LRP1B: variants seen among roughly 807,000 people sequenced by gnomAD.
The protein encoded by LRP1B is LDL receptor related protein 1B.
LRP1B carries 217 observed loss-of-function variants against 556.6 expected under a neutral mutation model. The ratio of observed to expected loss-of-function variants is 0.39; its 90% CI spans 0.35 to 0.44. The LOEUF (loss-of-function observed/expected upper bound fraction) is 0.44. Among genes scored for constraint, LRP1B ranks in the 20% least tolerant of loss-of-function variants. The pLI, the probability that LRP1B is intolerant of heterozygous loss-of-function variation, is 1.00. For missense variants in LRP1B, 5,053 were observed against 5,620.8 expected (o/e 0.90, Z 3.23); for synonymous variants, 2,047 against 1,865.8 (o/e 1.10, Z -2.50).
chr2:140,434,226 T>C (rs1300396975), intron 66 of LRP1B, among the ~76,000 whole-genome samples: 1 of 152,124 alleles, frequency 6.6e-6, no homozygotes, highest in Non-Finnish European at 1.5e-5. Flanking sequence ...AGTGCCACCA[T>C]GCCCAGCTAA....
intron 2 of LRP1B, among the ~76,000 whole-genome samples, chr2:141,781,854 G>A (rs1340781581): frequency 9.9e-6 from 1 of 101,282 alleles, no homozygotes; most frequent in Non-Finnish European, 2.4e-5. Context: ...GAACAAAGAT[G>A]ATGATGATGA....
intron 2 of LRP1B, among the ~76,000 whole-genome samples, chr2:141,576,556 A>G (rs1686752728): frequency 6.6e-6 from 1 of 151,954 alleles, no homozygotes; most frequent in African/African-American, 2.4e-5. Context: ...CTGTACATGT[A>G]TCCCTCTTTT....
At chr2:140,859,244 A>G (rs1205631485) in intron 27 of LRP1B, among the ~76,000 whole-genome samples, 1 of 152,180 alleles carries the variant, frequency 6.6e-6, no homozygotes, top group Non-Finnish European at 1.5e-5. Context: ...AAGAAAAAAA[A>G]AACCTTTTAT....
intron 11 of LRP1B, among the ~76,000 whole-genome samples, chr2:141,034,092 C>T (rs992628264): frequency 5.3e-5 from 8 of 152,006 alleles, no homozygotes; most frequent in Admixed American, 4.6e-4. Flanking sequence ...AAAAAAATCT[C>T]TTTTAGTTTT....
chr2:141,943,819 C>A (rs1444972590), intron 1 of LRP1B, among the ~76,000 whole-genome samples: 1 of 152,034 alleles, frequency 6.6e-6, no homozygotes, highest in Non-Finnish European at 1.5e-5. Context: ...GTAGGAAAAT[C>A]CGGGTTCTTG....
chr2:141,705,523 G>A (rs188897372), intron 2 of LRP1B, among the ~76,000 whole-genome samples: 71 of 152,082 alleles, frequency 4.7e-4, no homozygotes, highest in African/African-American at 1.6e-3. Context: ...ACTCAAACCT[G>A]TTTACTAACA....
At chr2:141,218,980 C>G (rs759559524) in intron 6 of LRP1B, among the ~76,000 whole-genome samples, 1 of 152,198 alleles carries the variant, frequency 6.6e-6, no homozygotes, top group African/African-American at 2.4e-5. Context: ...AGGTGCCACA[C>G]AGGATAAGGG....
chr2:140,354,443 A>G (rs1186620269), intron 75 of LRP1B, among the ~76,000 whole-genome samples: 4 of 152,154 alleles, frequency 2.6e-5, no homozygotes, highest in African/African-American at 9.6e-5. Context: ...AAAGAGATGC[A>G]GAAAAGTGTA....
intron 2 of LRP1B, among the ~76,000 whole-genome samples, chr2:141,729,779 A>G (rs1043821619): frequency 6.6e-6 from 1 of 152,158 alleles, no homozygotes; most frequent in African/African-American, 2.4e-5. Flanking sequence ...TTCTATTCCT[A>G]TTCTGTTCAC....
At chr2:141,488,634 T>C (rs1432207007) in intron 2 of LRP1B, among the ~76,000 whole-genome samples, 2 of 149,346 alleles carry the variant, frequency 1.3e-5, no homozygotes, top group Non-Finnish European at 2.9e-5. Context: ...AATTCTTTTA[T>C]TTTTTTTGTA....
At chr2:140,966,653 T>G (rs1010419003) in intron 18 of LRP1B, among the ~76,000 whole-genome samples, 1 of 152,250 alleles carries the variant, frequency 6.6e-6, no homozygotes. Context: ...CTAGCTTTTC[T>G]TCTAGAGTTT....
chr2:141,529,989 A>C (rs1684817610), intron 2 of LRP1B, among the ~76,000 whole-genome samples: 1 of 152,190 alleles, frequency 6.6e-6, no homozygotes, highest in Admixed American at 6.6e-5. Flanking sequence ...TACAGCAAGG[A>C]CATCATTTAA....
chr2:142,073,367 C>G (rs1057109162), intron 1 of LRP1B, among the ~76,000 whole-genome samples: 8 of 152,028 alleles, frequency 5.3e-5, no homozygotes, highest in Middle Eastern at 3.4e-3. Context: ...TTTCTAAAGA[C>G]CTAATACTAC....
chr2:141,510,236 C>A (rs5006900), intron 2 of LRP1B, among the ~76,000 whole-genome samples: 25,934 of 131,482 alleles, frequency 0.2, 2,512 homozygotes, highest in Middle Eastern at 0.3. Flanking sequence ...ACACACACAC[C>A]CCCCACAGTC....
chr2:141,748,166 T>C (rs1272856510), intron 2 of LRP1B, among the ~76,000 whole-genome samples: 1 of 152,192 alleles, frequency 6.6e-6, no homozygotes, highest in African/African-American at 2.4e-5. Flanking sequence ...AGCAACTTAT[T>C]GCCAAGGTAC....
chr2:140,400,666 A>C (rs1039967705), intron 66 of LRP1B, among the ~76,000 whole-genome samples: 1 of 152,172 alleles, frequency 6.6e-6, no homozygotes, highest in East Asian at 1.9e-4. Flanking sequence ...TAACGTGTAG[A>C]GATTCACAGT....
chr2:141,273,602 A>G (rs1466906662), intron 3 of LRP1B, among the ~76,000 whole-genome samples: 2 of 152,224 alleles, frequency 1.3e-5, no homozygotes, highest in African/African-American at 4.8e-5. Context: ...TGGCCTCAGT[A>G]AAAGAGTTAC....
chr2:141,495,717 G>C (rs1245043687), intron 2 of LRP1B, among the ~76,000 whole-genome samples: 1 of 151,862 alleles, frequency 6.6e-6, no homozygotes, highest in Non-Finnish European at 1.5e-5. Flanking sequence ...GAGTATGTGA[G>C]TGCATGCACA....
At chr2:141,926,223 C>T (rs1362170655) in intron 1 of LRP1B, among the ~76,000 whole-genome samples, 2 of 152,210 alleles carry the variant, frequency 1.3e-5, no homozygotes, top group South Asian at 4.1e-4. Flanking sequence ...ACTACTGATC[C>T]TTGTTGCGAG....
Sources: allele counts gnomAD v4.1 joint callset (sites outside exome capture counted in the v4.1 genomes callset), GRCh38; gene constraint gnomAD v4.1.1; transcripts MANE v1.5; gene names NCBI Gene and HGNC (gene_info 2026-07-23, HGNC 2026-07-21).